The following RANGAP1 variants were observed in gnomAD, a reference collection of about 807,000 sequenced individuals.
RANGAP1 encodes the protein ran GTPase-activating protein 1.
Under a neutral mutation model 63.5 loss-of-function variants are expected in RANGAP1, and 38 were observed. The ratio of observed to expected loss-of-function variants is 0.60; its 90% CI spans 0.46 to 0.78. RANGAP1 has a LOEUF of 0.78. Among genes scored for constraint, RANGAP1 ranks in the 30% least tolerant of loss-of-function variants. The pLI is 0.00. For synonymous variants in RANGAP1, 329 were observed against 310.5 expected (o/e 1.06, Z -0.63); for missense variants, 630 against 740.3 (o/e 0.85, Z 1.73).
chr22:41,286,806 C>T (rs2035764227), upstream of RANGAP1, among the ~76,000 whole-genome samples: 1 of 152,164 alleles, frequency 6.6e-6, no homozygotes, highest in African/African-American at 2.4e-5. Context: ...CTGTGTGATG[C>T]ACTGAGAAAA....
chr22:41,254,919 C>T (rs2145707486), intron 10 of RANGAP1, among the ~76,000 whole-genome samples: 1 of 151,788 alleles, frequency 6.6e-6, no homozygotes, highest in Non-Finnish European at 1.5e-5. Flanking sequence ...TGGCAGTGAG[C>T]CGAAATTGTG....
At position 41,249,368 on chromosome 22, in the gene RANGAP1, G is replaced by C; in HGVS notation, c.1656C>G (p.Pro552=). Residue 552 remains proline (P), a synonymous_variant, in exon 15 of 16, where the codon CCC becomes CCG. Transcript: ENST00000356244. The part of the protein sequence containing the change: ...LNHMVQQDYF[P]KALAPLLLAF... ...CCAGCAGCAGGGGTGCAAGGGCCTTGGGGAAATAGTCCTGCTGCACCATGT... is the reference window on the plus strand; with the variant it reads ...CCAGCAGCAGGGGTGCAAGGGCCTTCGGGAAATAGTCCTGCTGCACCATGT... The C allele has an allele frequency of 6.2e-7, 1 of 1,613,146 alleles. No individual in the cohort carries two copies. Among genetic ancestry groups the C allele is most frequent in the African/African-American group, 1.3e-5 (1 of 75,058 alleles).
upstream of RANGAP1, among the ~76,000 whole-genome samples, chr22:41,287,256 G>A (rs1186620730): frequency 6.6e-6 from 1 of 152,098 alleles, no homozygotes; most frequent in Non-Finnish European, 1.5e-5. Context: ...AGAAAGCAGA[G>A]ACACAAATGT....
At chr22:41,280,808 C>A (rs1036928581) in intron 2 of RANGAP1, 125 bp downstream of exon 2, 58 of 1,533,776 alleles carry the variant, frequency 3.8e-5, no homozygotes, top group Non-Finnish European at 4.9e-5. Context: ...CCCAATGATA[C>A]CTCACAGAGC....
chr22:41,292,973 C>T, the RANGAP1 span, among the ~76,000 whole-genome samples: 4 of 150,722 alleles, frequency 2.7e-5, no homozygotes, highest in South Asian at 6.3e-4. Context: ...CGGTGGCTCA[C>T]GCCTGTAATC....
At chr22:41,267,465 G>A (rs2034548651) in intron 4 of RANGAP1, among the ~76,000 whole-genome samples, 2 of 152,190 alleles carry the variant, frequency 1.3e-5, no homozygotes, top group African/African-American at 4.8e-5. Flanking sequence ...GTGCCAGGAG[G>A]ACACACTGAG....
chr22:41,270,517 G>A (rs1331042888), intron 3 of RANGAP1, among the ~76,000 whole-genome samples: 2 of 152,104 alleles, frequency 1.3e-5, no homozygotes, highest in South Asian at 2.1e-4. Flanking sequence ...ATGCAAACAC[G>A]GCTCACTGCA....
chr22:41,275,781 GAAA>G (rs71200679), intron 2 of RANGAP1, among the ~76,000 whole-genome samples: 1 of 139,982 alleles, frequency 7.1e-6, no homozygotes, highest in African/African-American at 2.7e-5. Context: ...TCTGTCTCAA[GAAA>G]AAAAAAAAAA....
chr22:41,266,201 CA>C (rs35457855), intron 4 of RANGAP1, among the ~76,000 whole-genome samples: 45,303 of 117,800 alleles, frequency 0.38, 7,594 homozygotes, highest in Admixed American at 0.56. Context: ...GACTCCGCCT[CA>C]AAAAAAAAAA....
intron 3 of RANGAP1, among the ~76,000 whole-genome samples, chr22:41,269,223 G>T (rs568547157): frequency 9.9e-5 from 15 of 152,160 alleles, no homozygotes; most frequent in South Asian, 4.2e-4. Context: ...GCTATTACAG[G>T]CATGTGACAC....
At chr22:41,290,229 CT>C (rs11336113), upstream of RANGAP1, among the ~76,000 whole-genome samples, 73,090 of 108,084 alleles carry the variant, frequency 0.68, 24,430 homozygotes, top group Admixed American at 0.74. Flanking sequence ...ATTATTATTA[CT>C]TTTTTTTTTT....
the RANGAP1 span, among the ~76,000 whole-genome samples, chr22:41,292,378 A>T: frequency 6.6e-6 from 1 of 151,220 alleles, no homozygotes; most frequent in Non-Finnish European, 1.5e-5. Flanking sequence ...TCAAACTCCC[A>T]ACCTCAGATG....
At chr22:41,286,370 C>G (rs565702247), upstream of RANGAP1, 1 of 152,450 alleles carries the variant, frequency 6.6e-6, no homozygotes, top group East Asian at 1.9e-4. Flanking sequence ...CATGGCGCAC[C>G]GCGCGCAGAG....
intron 10 of RANGAP1, 77 bp from the exon 11 acceptor site, chr22:41,254,571 C>G: frequency 6.7e-7 from 1 of 1,500,022 alleles, no homozygotes; most frequent in South Asian, 1.3e-5. Flanking sequence ...CTCCATGAGC[C>G]CAGAGACCTC....
chr22:41,246,596 T>C lies in RANGAP1; in HGVS notation c.*7A>G. Reference sequence around the variant, plus strand: ...GTCCAGGCCAAGGGATGGGAGAGGCTTTGAGTCTAGACCTTGTACAGCGTC... The same window carrying C: ...GTCCAGGCCAAGGGATGGGAGAGGCCTTGAGTCTAGACCTTGTACAGCGTC... On this transcript the variant is annotated 3_prime_UTR_variant, in exon 16 of 16. Transcript: ENST00000356244. 1 of 1,558,958 alleles carries C rather than the reference T, an allele frequency of 6.4e-7. No individual in the cohort carries two copies. The highest frequency in any genetic ancestry group is 1.2e-5 in the South Asian group (1 of 85,120).
chr22:41,272,397 A>G (rs1289638037), intron 3 of RANGAP1, among the ~76,000 whole-genome samples: 1 of 152,172 alleles, frequency 6.6e-6, no homozygotes, highest in Non-Finnish European at 1.5e-5. Flanking sequence ...ACTAGTTTGC[A>G]GGCCCTTCCG....
intron 8 of RANGAP1, among the ~76,000 whole-genome samples, 171 bp from the exon 9 acceptor site, chr22:41,256,461 C>G (rs1025650698): frequency 1.3e-5 from 2 of 152,160 alleles, no homozygotes; most frequent in Non-Finnish European, 2.9e-5. Context: ...CTGCAGCCAA[C>G]GATGAGTCAC....
intron 14 of RANGAP1, 104 bp downstream of exon 14, chr22:41,249,625 G>A (rs908727598): frequency 2.8e-5 from 43 of 1,525,584 alleles, no homozygotes; most frequent in African/African-American, 4.1e-5. Flanking sequence ...TGGGCGAGCC[G>A]GCTCAGGACT....
chr22:41,294,700 T>C, the RANGAP1 span, among the ~76,000 whole-genome samples: 4 of 125,468 alleles, frequency 3.2e-5, no homozygotes, highest in East Asian at 2.4e-4. Context: ...ACCTCTGCCC[T>C]GCCACCCCGT....
Sources: allele counts gnomAD v4.1 joint callset (sites outside exome capture counted in the v4.1 genomes callset), GRCh38; gene constraint gnomAD v4.1.1; transcripts MANE v1.5; gene names NCBI Gene and HGNC (gene_info 2026-07-23, HGNC 2026-07-21).